PGM1: variants seen among roughly 807,000 people sequenced by gnomAD.
The protein encoded by PGM1 is phosphoglucomutase 1, also known as phosphoglucomutase-1.
Under a neutral mutation model 55.6 loss-of-function variants are expected in PGM1, and 52 were observed. The observed-to-expected ratio is 0.94, with a 90% confidence interval of 0.75 to 1.18. The LOEUF (loss-of-function observed/expected upper bound fraction) is 1.18, where lower values mean the gene tolerates loss of function less well. PGM1 is among the 50% of genes most tolerant of loss of function. PGM1 has a pLI of 0.00. For missense variants in PGM1, 724 were observed against 729.3 expected (o/e 0.99, Z 0.08); for synonymous variants, 287 against 271.7 (o/e 1.06, Z -0.55).
chr1:63,612,257 CA>C (rs5774657), intron 1 of PGM1, among the ~76,000 whole-genome samples: 51,480 of 146,238 alleles, frequency 0.35, 9,625 homozygotes, highest in African/African-American at 0.51. Context: ...AACTCTGTCT[CA>C]AAAAAAAAAA....
intron 4 of PGM1, among the ~76,000 whole-genome samples, chr1:63,634,374 A>AC: frequency 6.6e-6 from 1 of 152,154 alleles, no homozygotes; most frequent in East Asian, 1.9e-4. Context: ...GATGGAAGAG[A>AC]CTGAGGCACA....
At chr1:63,638,208 G>A (rs557321649) in intron 6 of PGM1, among the ~76,000 whole-genome samples, 2 of 152,264 alleles carry the variant, frequency 1.3e-5, no homozygotes, top group African/African-American at 2.4e-5. Flanking sequence ...CTGGGCGGTC[G>A]GTCATCCTGG....
intron 6 of PGM1, among the ~76,000 whole-genome samples, chr1:63,637,226 G>T (rs528223254): frequency 6.6e-5 from 10 of 152,280 alleles, no homozygotes; most frequent in Non-Finnish European, 1.5e-4. Flanking sequence ...TAAATATTTT[G>T]CATGTTTTAA....
At chr1:63,594,627 G>A (rs1458986729) in intron 1 of PGM1, among the ~76,000 whole-genome samples, 1 of 151,102 alleles carries the variant, frequency 6.6e-6, no homozygotes, top group African/African-American at 2.4e-5. Flanking sequence ...AAAAAAAAAA[G>A]TTTTTCAGTA....
Position 63,620,415 on chromosome 1 carries a change from A to G in PGM1, c.247-9010A>G, listed in dbSNP as rs1199336182. 2.6e-5 allele frequency among the ~76,000 whole-genome samples: 4 copies of G among 152,206 alleles called. No individual in the cohort carries two copies. In the East Asian group the frequency reaches 5.8e-4, roughly 22 times the overall value. On this transcript the variant is annotated intron_variant, in intron 1 of 10. Coordinates refer to ENST00000371084, the MANE Select transcript of PGM1 (RefSeq NM_002633.3). ...GATTAACCCTGCTGCTTTAAGCCAAATTTCTGCCTTTCTTTCTAGTGCTTA... is the reference window on the plus strand; with the variant it reads ...GATTAACCCTGCTGCTTTAAGCCAAGTTTCTGCCTTTCTTTCTAGTGCTTA...
intron 1 of PGM1, among the ~76,000 whole-genome samples, chr1:63,618,147 A>G (rs912343483): frequency 6.6e-6 from 1 of 152,234 alleles, no homozygotes; most frequent in Non-Finnish European, 1.5e-5. Context: ...ATCTTGACAG[A>G]TGAGGAAATG....
In PGM1 at chr1:63,617,946, G is replaced by A. The variant is rs552740596; in HGVS notation, c.247-11479G>A. ...TTTCAAATTTTTAAGTCAAATATTT[G>A]TTTTCTTTTAAAATTCCTTGTCTAA... On this transcript the variant is annotated intron_variant, in intron 1 of 10. Coordinates refer to ENST00000371084, the MANE Select transcript of PGM1 (RefSeq NM_002633.3). Among the ~76,000 whole-genome samples the A allele has an allele frequency of 1.8e-4, 28 of 151,400 alleles. No homozygotes were observed. In the East Asian group the frequency reaches 4.7e-3, roughly 25 times the overall value.
In PGM1 at chr1:63,631,572, G is replaced by T. The variant is rs1050951036; in HGVS notation, c.557-85G>T. 5.3e-5 allele frequency: 70 copies of T among 1,320,700 alleles called. 1 individual carries two copies. Among genetic ancestry groups the T allele is most frequent in the South Asian group, 3.7e-4 (31 of 84,614 alleles). 81.8% of individuals were successfully genotyped at this position (1,320,700 alleles called of 1,614,324 possible). The stretch of plus-strand genomic sequence containing the variant: ...TGTCCTTTTAAAATAGCAATAGCAG[G>T]TTTACAGCAATATAGTCACATCAGA... On this transcript the variant is annotated intron_variant, in intron 3 of 10. Transcript: ENST00000371084.
At position 63,654,274 on chromosome 1, in the gene PGM1, T is replaced by C. The variant is rs1349455354; in HGVS notation, c.1465-58T>C. 4 of 1,573,666 alleles carry C rather than the reference T, an allele frequency of 2.5e-6. No individual in the cohort carries two copies. In the East Asian group the frequency reaches 9.0e-5, roughly 35 times the overall value. On this transcript the variant is annotated intron_variant, in intron 9 of 10. Transcript: ENST00000371084. Reference sequence around the variant, plus strand: ...CATCCCCAAATAGACCCCTCATAATTTGCCAGCCTTCAGTCTCCCAGCATT... The same window carrying C: ...CATCCCCAAATAGACCCCTCATAATCTGCCAGCCTTCAGTCTCCCAGCATT...
intron 7 of PGM1, among the ~76,000 whole-genome samples, chr1:63,643,154 G>A (rs1649561202): frequency 6.6e-6 from 1 of 152,202 alleles, no homozygotes; most frequent in African/African-American, 2.4e-5. Flanking sequence ...GGGGAAGATT[G>A]TAGCACCCCA....
chr1:63,612,283 G>T (rs1231401626), intron 1 of PGM1, among the ~76,000 whole-genome samples: 1 of 151,768 alleles, frequency 6.6e-6, no homozygotes, highest in African/African-American at 2.4e-5. Context: ...CTATCAGTTT[G>T]CTCTGACTCT....
chr1:63,596,309 A>C (rs568473154), intron 1 of PGM1, among the ~76,000 whole-genome samples: 53 of 123,042 alleles, frequency 4.3e-4, no homozygotes, highest in Non-Finnish European at 4.8e-4. Context: ...CCTAGGCTGG[A>C]GTGCAGTGGC....
At chr1:63,619,546 C>T (rs184800974) in intron 1 of PGM1, among the ~76,000 whole-genome samples, 6 of 152,354 alleles carry the variant, frequency 3.9e-5, no homozygotes, top group Admixed American at 1.3e-4. Context: ...ACTCTTATTT[C>T]TCCAAGCCAT....
chr1:63,618,869 A>G (rs561502041), intron 1 of PGM1, among the ~76,000 whole-genome samples: 4 of 152,256 alleles, frequency 2.6e-5, no homozygotes, highest in African/African-American at 9.6e-5. Context: ...GAGAAGATTC[A>G]TCTAACCTAT....
At position 63,593,454 on chromosome 1, in the gene PGM1, T is replaced by A. The variant is rs756324880; in HGVS notation, c.-35T>A. ...GCCGGCCGCCCCTCCGCCAGCCAAG[T>A]CCGCCGCTCTGACCCCCGGCAGCAA... On this transcript the variant is annotated 5_prime_UTR_variant, in exon 1 of 11. Transcript: ENST00000371084. The A allele has an allele frequency of 6.2e-7, 1 of 1,612,362 alleles. No homozygotes were observed. Among genetic ancestry groups the A allele is most frequent in the Non-Finnish European group, 8.5e-7 (1 of 1,179,566 alleles).
chr1:63,634,030 C>T (rs1160795232), intron 4 of PGM1, among the ~76,000 whole-genome samples: 10 of 146,480 alleles, frequency 6.8e-5, no homozygotes, highest in Non-Finnish European at 1.2e-4. Flanking sequence ...GATCTGTCTG[C>T]CTCAGCCTCC....
At chr1:63,633,926 A>G (rs1570498494) in intron 4 of PGM1, among the ~76,000 whole-genome samples, 3 of 64,802 alleles carry the variant, frequency 4.6e-5, no homozygotes, top group African/African-American at 9.6e-5. Flanking sequence ...GTGTATATAT[A>G]TATATATTTT....
In PGM1 at chr1:63,593,548, C is replaced by A; in HGVS notation, c.60C>A (p.Ser20Arg). 6.2e-7 allele frequency: 1 copy of A among 1,613,920 alleles called. No individual in the cohort carries two copies. The highest frequency in any genetic ancestry group is 8.5e-7 in the Non-Finnish European group (1 of 1,179,938). Residue 20 changes from serine to arginine, a missense_variant, in exon 1 of 11, where the codon AGC becomes AGA. Around this residue, in one of 3 missense-constraint regions of PGM1, gnomAD observed 379 missense variants for 357.5 expected, o/e 1.06. Coordinates refer to ENST00000371084, the MANE Select transcript of PGM1 (RefSeq NM_002633.3). Reference sequence around the variant, plus strand: ...ACCAGGACCAGAAGCCGGGCACGAGCGGGCTGCGGAAGCGGGTGAAGGTGT... The same window carrying A: ...ACCAGGACCAGAAGCCGGGCACGAGAGGGCTGCGGAAGCGGGTGAAGGTGT... Reference protein sequence around the residue: ...QAYQDQKPGTSGLRKRVKVFQ... With the variant: ...QAYQDQKPGTRGLRKRVKVFQ...
chr1:63,653,086 G>A (rs1408852446), intron 9 of PGM1, among the ~76,000 whole-genome samples: 2 of 152,198 alleles, frequency 1.3e-5, no homozygotes, highest in African/African-American at 4.8e-5. Flanking sequence ...CTGCCAGGAG[G>A]GAGAAGAGGT....
Sources: allele counts gnomAD v4.1 joint callset (sites outside exome capture counted in the v4.1 genomes callset), GRCh38; gene constraint gnomAD v4.1.1; regional missense constraint gnomAD v4.1.1; transcripts MANE v1.5; gene names NCBI Gene and HGNC (gene_info 2026-07-23, HGNC 2026-07-21).